Variants in CAST observed in about 807,000 individuals in gnomAD.
The protein encoded by CAST is calpastatin, also known as MIR583 host.
In CAST, 76 loss-of-function variants were observed where a neutral mutation model predicts 119.6. That is an observed-to-expected ratio of 0.64 (90% CI 0.53 to 0.77). The LOEUF (loss-of-function observed/expected upper bound fraction) is 0.77, where lower values mean the gene tolerates loss of function less well. CAST is among the 30% of genes least tolerant of loss of function. CAST has a pLI of 0.00. For synonymous variants in CAST, 319 were observed against 331.6 expected (o/e 0.96, Z 0.41); for missense variants, 953 against 946.5 (o/e 1.01, Z -0.09).
the CAST span, among the ~76,000 whole-genome samples, chr5:96,292,110 G>T: frequency 6.6e-6 from 1 of 152,154 alleles, no homozygotes; most frequent in African/African-American, 2.4e-5. Context: ...GAAAAAAGAC[G>T]CATATGTTAA....
the CAST span, among the ~76,000 whole-genome samples, chr5:96,365,731 A>G: frequency 6.6e-6 from 1 of 152,112 alleles, no homozygotes; most frequent in African/African-American, 2.4e-5. Flanking sequence ...TGCACATGAG[A>G]TGGGTCTCCT....
chr5:96,532,578 C>T (rs1745708859), intron 1 of CAST, among the ~76,000 whole-genome samples: 1 of 152,086 alleles, frequency 6.6e-6, no homozygotes, highest in African/African-American at 2.4e-5. Flanking sequence ...GGCCAGGCAT[C>T]GTGGCCCACA....
At chr5:96,518,750 G>A in the CAST span, among the ~76,000 whole-genome samples, 1 of 152,162 alleles carries the variant, frequency 6.6e-6, no homozygotes, top group Non-Finnish European at 1.5e-5. Context: ...ATCGCTGTGA[G>A]GGGCCTGTAA....
chr5:96,237,888 T>C, the CAST span, among the ~76,000 whole-genome samples: 4 of 152,128 alleles, frequency 2.6e-5, no homozygotes, highest in African/African-American at 4.8e-5. Context: ...TTAAAACAGA[T>C]TTTAACTTTT....
At chr5:96,626,788 G>A (rs868189634) in intron 1 of CAST, among the ~76,000 whole-genome samples, 3 of 152,274 alleles carry the variant, frequency 2.0e-5, no homozygotes, top group African/African-American at 4.8e-5. Context: ...TATGTTATCA[G>A]GAGCCCTGTC....
At chr5:96,277,331 T>C in the CAST span, among the ~76,000 whole-genome samples, 1 of 152,158 alleles carries the variant, frequency 6.6e-6, no homozygotes, top group Non-Finnish European at 1.5e-5. Context: ...TTCCCCACTT[T>C]CTTTCCAGCC....
chr5:96,236,235 C>T, the CAST span, among the ~76,000 whole-genome samples: 2 of 152,222 alleles, frequency 1.3e-5, no homozygotes, highest in East Asian at 1.9e-4. Context: ...ATCCCAAATA[C>T]CATAATGGTA....
the CAST span, among the ~76,000 whole-genome samples, chr5:96,419,001 TACTTA>T: frequency 6.6e-6 from 1 of 152,078 alleles, no homozygotes; most frequent in Non-Finnish European, 1.5e-5. Flanking sequence ...AGCAAACACT[TACTTA>T]ACTTTTTTGT....
chr5:96,681,669 C>T (rs1196067628), intron 2 of CAST, among the ~76,000 whole-genome samples: 1 of 142,356 alleles, frequency 7.0e-6, no homozygotes, highest in Non-Finnish European at 1.5e-5. Context: ...GGAGGCGGAG[C>T]TTGCAGTGAG....
At chr5:96,637,003 C>A (rs192067501) in intron 1 of CAST, among the ~76,000 whole-genome samples, 3 of 152,146 alleles carry the variant, frequency 2.0e-5, no homozygotes, top group Admixed American at 6.5e-5. Flanking sequence ...CACAGTCCCC[C>A]CTCTGGGGTT....
chr5:96,106,253 G>C, the CAST span, among the ~76,000 whole-genome samples: 5 of 151,656 alleles, frequency 3.3e-5, no homozygotes, highest in Non-Finnish European at 7.4e-5. Flanking sequence ...GTTATTTCTT[G>C]CCTTCTGCTA....
At chr5:96,040,306 T>C in the CAST span, among the ~76,000 whole-genome samples, 1 of 152,200 alleles carries the variant, frequency 6.6e-6, no homozygotes, top group African/African-American at 2.4e-5. Context: ...TATACAATCA[T>C]GTCATCTGCA....
the CAST span, among the ~76,000 whole-genome samples, chr5:96,461,799 A>G: frequency 6.6e-6 from 1 of 152,150 alleles, no homozygotes; most frequent in South Asian, 2.1e-4. Context: ...GCACAATACA[A>G]GCATGCTTTT....
the CAST span, among the ~76,000 whole-genome samples, chr5:96,263,927 T>C: frequency 1.3e-5 from 2 of 152,138 alleles, no homozygotes; most frequent in African/African-American, 4.8e-5. Context: ...CTCACTATCA[T>C]GAGAACAGCA....
intron 1 of CAST, among the ~76,000 whole-genome samples, chr5:96,543,231 A>C (rs1745949502): frequency 6.6e-6 from 1 of 152,360 alleles, no homozygotes; most frequent in East Asian, 1.9e-4. Flanking sequence ...TGTCCTTTGC[A>C]GGGACATGAA....
chr5:96,135,702 C>T, the CAST span, among the ~76,000 whole-genome samples: 3 of 152,214 alleles, frequency 2.0e-5, no homozygotes, highest in South Asian at 6.2e-4. Flanking sequence ...TCTGTGTCCT[C>T]ACCTCCAACC....
At chr5:96,424,547 G>T in the CAST span, among the ~76,000 whole-genome samples, 1 of 152,176 alleles carries the variant, frequency 6.6e-6, no homozygotes, top group Non-Finnish European at 1.5e-5. Flanking sequence ...CTACAACACA[G>T]ACAATCATGA....
chr5:96,026,772 G>A, the CAST span, among the ~76,000 whole-genome samples: 1 of 152,280 alleles, frequency 6.6e-6, no homozygotes. Flanking sequence ...TCCCACTAGT[G>A]CTAAACATCC....
the CAST span, among the ~76,000 whole-genome samples, chr5:96,240,111 AT>A: frequency 6.6e-6 from 1 of 152,122 alleles, no homozygotes; most frequent in African/African-American, 2.4e-5. Context: ...AATGTAATTA[AT>A]TTATTATACC....
Sources: allele counts gnomAD v4.1 joint callset (sites outside exome capture counted in the v4.1 genomes callset), GRCh38; gene constraint gnomAD v4.1.1; transcripts MANE v1.5; gene names NCBI Gene and HGNC (gene_info 2026-07-23, HGNC 2026-07-21).